CDC16: variants seen among roughly 807,000 people sequenced by gnomAD.
The protein encoded by CDC16 is cell division cycle 16.
Under a neutral mutation model 87.0 loss-of-function variants are expected in CDC16, and 34 were observed. The observed-to-expected ratio is 0.39, with a 90% CI of 0.30 to 0.52. The LOEUF (loss-of-function observed/expected upper bound fraction) is 0.52, where lower values mean the gene tolerates loss of function less well. Ranked by LOEUF, CDC16 falls within the 20% of genes least tolerant of loss-of-function variation. CDC16 has a pLI of 0.74. For synonymous variants in CDC16, 263 were observed against 260.6 expected (o/e 1.01, Z -0.09); for missense variants, 653 against 751.9 (o/e 0.87, Z 1.54).
At chr13:114,258,812 C>G (rs2082663184) in intron 13 of CDC16, among the ~76,000 whole-genome samples, 1 of 152,030 alleles carries the variant, frequency 6.6e-6, no homozygotes, top group South Asian at 2.1e-4. Flanking sequence ...AACATAAATA[C>G]TGTGGTTGGG....
intron 5 of CDC16, 122 bp downstream of exon 5, chr13:114,239,612 T>A (rs1032239987): frequency 8.3e-5 from 106 of 1,273,134 alleles, no homozygotes; most frequent in Non-Finnish European, 9.2e-5. Context: ...GCCAATTTAT[T>A]TAATTTGCCC....
chr13:114,251,491 G>T (rs182325471), intron 12 of CDC16, among the ~76,000 whole-genome samples: 1 of 152,176 alleles, frequency 6.6e-6, no homozygotes, highest in Non-Finnish European at 1.5e-5. Context: ...TGCAGGGGTG[G>T]AATCATATAT....
At chr13:114,252,983 T>G (rs1974083) in intron 12 of CDC16, among the ~76,000 whole-genome samples, 1 of 151,884 alleles carries the variant, frequency 6.6e-6, no homozygotes, top group African/African-American at 2.4e-5. Context: ...AAAAAAAATT[T>G]AAAATTAGCT....
chr13:114,235,246 C>A, intron 1 of CDC16, 114 bp downstream of exon 1: 1 of 689,290 alleles, frequency 1.5e-6, no homozygotes, highest in Non-Finnish European at 2.0e-6. Context: ...ACTGGGCCGG[C>A]CCTGGGCCTT....
At chr13:114,252,993 T>A (rs2082280980) in intron 12 of CDC16, among the ~76,000 whole-genome samples, 1 of 152,152 alleles carries the variant, frequency 6.6e-6, no homozygotes, top group Admixed American at 6.5e-5. Flanking sequence ...TAAAATTAGC[T>A]GGGTTTGATG....
chr13:114,259,916 T>C (rs927059158), intron 14 of CDC16, among the ~76,000 whole-genome samples: 1 of 152,236 alleles, frequency 6.6e-6, no homozygotes, highest in African/African-American at 2.4e-5. Context: ...GCTTCTGTTG[T>C]ATGAACGATC....
chr13:114,242,741 G>A (rs17291166), intron 6 of CDC16: 1 of 163,252 alleles, frequency 6.1e-6, no homozygotes, highest in Admixed American at 6.1e-5. Flanking sequence ...AAAATAGAGT[G>A]GTTGGATTAA....
intron 14 of CDC16, among the ~76,000 whole-genome samples, chr13:114,259,923 G>A (rs11617448): frequency 0.32 from 48,200 of 152,026 alleles, 9,490 homozygotes; most frequent in African/African-American, 0.56. Flanking sequence ...TTGTATGAAC[G>A]ATCCCGTGAA....
chr13:114,255,473 T>A (rs1042385326), intron 12 of CDC16, among the ~76,000 whole-genome samples: 1 of 151,942 alleles, frequency 6.6e-6, no homozygotes, highest in Admixed American at 6.6e-5. Context: ...AATCTGAAAA[T>A]CCAAAGTTCA....
chr13:114,260,117 T>TTAC (rs1399184124), intron 14 of CDC16, among the ~76,000 whole-genome samples: 4 of 152,232 alleles, frequency 2.6e-5, no homozygotes, highest in Non-Finnish European at 5.9e-5. Flanking sequence ...CTTCCTGCTG[T>TTAC]TACTGTTTGT....
At chr13:114,247,744 G>C (rs1360924513) in intron 11 of CDC16, among the ~76,000 whole-genome samples, 1 of 152,048 alleles carries the variant, frequency 6.6e-6, no homozygotes, top group East Asian at 1.9e-4. Flanking sequence ...AGATATAGTA[G>C]TGGGCATCTG....
At chr13:114,249,425 A>G (rs975306628) in intron 11 of CDC16, among the ~76,000 whole-genome samples, 3 of 151,936 alleles carry the variant, frequency 2.0e-5, no homozygotes, top group Admixed American at 2.0e-4. Flanking sequence ...CCTGGTTCCT[A>G]ATAGGCCAGG....
intron 3 of CDC16, 96 bp from the exon 4 acceptor site, chr13:114,238,894 T>G (rs2081395718): frequency 1.4e-6 from 2 of 1,442,180 alleles, no homozygotes; most frequent in East Asian, 2.3e-5. Flanking sequence ...AAGGAGAAAT[T>G]ATGAAATTAG....
Position 114,261,946 on chromosome 13 carries a change from TAAGTAA to T in CDC16, c.1375_1376+4del. The T allele has an allele frequency of 6.3e-7, 1 of 1,590,842 alleles. No homozygotes were observed. Among genetic ancestry groups the T allele is most frequent in the Non-Finnish European group, 8.6e-7 (1 of 1,165,392 alleles). On this transcript the variant is annotated splice_donor_variant and splice_donor_region_variant and coding_sequence_variant and intron_variant, in exon 15 of 18. Transcript: ENST00000356221. LOFTEE classifies it high-confidence loss of function. Reference sequence around the variant, plus strand: ...ACTTGGGGCATGTCTGCAGAAAACTTAAGTAAGTGAAGTAGAGCATTTTCAGAAATA... The same window carrying T: ...ACTTGGGGCATGTCTGCAGAAAACTTGTGAAGTAGAGCATTTTCAGAAATA...
At chr13:114,244,803 C>T in intron 8 of CDC16, 87 bp from the exon 9 acceptor site, 1 of 740,100 alleles carries the variant, frequency 1.4e-6, no homozygotes, top group Non-Finnish European at 2.4e-6. Flanking sequence ...ATATGTGATA[C>T]CATAATGACT....
rs188252463 is a variant in CDC16 at position 114,244,113 on chromosome 13, T to C, written c.767+124T>C. 12 of 672,674 alleles carry C rather than the reference T, an allele frequency of 1.8e-5. No individual in the cohort carries two copies. In the East Asian group the frequency reaches 2.9e-4, roughly 16 times the overall value. 41.7% of individuals were successfully genotyped at this position (672,674 alleles called of 1,614,324 possible). On this transcript the variant is annotated intron_variant, in intron 8 of 17. Coordinates refer to ENST00000356221, the MANE Select transcript of CDC16 (RefSeq NM_001078645.3). ...GATAATTTAAGTTATCTTTACCAAT[T>C]GTAGAGCACTGAACAGGGTGCTGTC... is the stretch of plus-strand genomic sequence containing the variant.
chr13:114,253,459 G>T (rs2082309921), intron 12 of CDC16, among the ~76,000 whole-genome samples: 1 of 152,100 alleles, frequency 6.6e-6, no homozygotes, highest in African/African-American at 2.4e-5. Flanking sequence ...GAGGCCAGAG[G>T]GGTGTGGATC....
At chr13:114,250,458 C>A in intron 11 of CDC16, 91 bp from the exon 12 acceptor site, 1 of 1,302,816 alleles carries the variant, frequency 7.7e-7, no homozygotes, top group Non-Finnish European at 1.0e-6. Context: ...CACCACTGCA[C>A]TCCAGCCTGA....
At chr13:114,255,673 C>A (rs768681813) in intron 12 of CDC16, among the ~76,000 whole-genome samples, 83 of 152,184 alleles carry the variant, frequency 5.5e-4, no homozygotes, top group Middle Eastern at 3.2e-3. Flanking sequence ...CATAGAGTCT[C>A]ACTCTCTTGC....
Sources: allele counts gnomAD v4.1 joint callset (sites outside exome capture counted in the v4.1 genomes callset), GRCh38; gene constraint gnomAD v4.1.1; transcripts MANE v1.5; gene names NCBI Gene and HGNC (gene_info 2026-07-23, HGNC 2026-07-21).